Variants in MTUS2 observed in about 807,000 individuals in gnomAD.
The protein encoded by MTUS2 is microtubule associated scaffold protein 2.
MTUS2 carries 40 observed loss-of-function variants against 114.1 expected under a neutral mutation model. That is an observed-to-expected ratio of 0.35 (90% CI 0.27 to 0.46). MTUS2 has a LOEUF of 0.46. Ranked by LOEUF, MTUS2 falls within the 20% of genes least tolerant of loss-of-function variation. MTUS2 has a pLI of 1.00. For synonymous variants in MTUS2, 688 were observed against 672.0 expected, an observed-to-expected ratio of 1.02 and a Z score of -0.37; for missense variants, 1,679 against 1,705.4, an observed-to-expected ratio of 0.98 and a Z score of 0.27.
rs549081450 is a variant in MTUS2 at position 28,874,253 on chromosome 13, G to A, written c.-243+34403G>A. ...CCTGACCTCATGATCTGCCCCCCTCGGCCTCCCAAAGTGCAGGATTACAGG... is the reference window on the plus strand; with the variant it reads ...CCTGACCTCATGATCTGCCCCCCTCAGCCTCCCAAAGTGCAGGATTACAGG... On this transcript the variant is annotated intron_variant, in intron 2 of 15. Transcript: ENST00000612955. Among the ~76,000 whole-genome samples the A allele has an allele frequency of 9.4e-4, 143 of 152,024 alleles. 1 individual carries two copies. The highest frequency in any genetic ancestry group is 3.2e-3 in the African/African-American group (132 of 41,454).
chr13:29,200,001 A>G (rs757608283), intron 5 of MTUS2, among the ~76,000 whole-genome samples: 5 of 151,916 alleles, frequency 3.3e-5, no homozygotes, highest in Non-Finnish European at 5.9e-5. Flanking sequence ...ATTCTCGGAT[A>G]GTAGTTTGTA....
intron 2 of MTUS2, among the ~76,000 whole-genome samples, chr13:29,006,680 A>ATTTG (rs770152112): frequency 1.3e-5 from 2 of 151,974 alleles, no homozygotes; most frequent in Non-Finnish European, 2.9e-5. Context: ...TTGTTTGTTC[A>ATTTG]TTTGTTTGTT....
chr13:29,490,889 AT>A (rs1399879522), intron 11 of MTUS2, among the ~76,000 whole-genome samples: 1 of 152,238 alleles, frequency 6.6e-6, no homozygotes, highest in Non-Finnish European at 1.5e-5. Flanking sequence ...TTACCTAGTT[AT>A]TTTGCCATGA....
At chr13:29,376,467 A>C (rs997276079) in intron 8 of MTUS2, among the ~76,000 whole-genome samples, 1 of 152,240 alleles carries the variant, frequency 6.6e-6, no homozygotes, top group African/African-American at 2.4e-5. Context: ...AAATGTGCAA[A>C]TAACCCAAAG....
At chr13:29,488,725 G>A (rs979704368) in intron 11 of MTUS2, among the ~76,000 whole-genome samples, 5 of 152,126 alleles carry the variant, frequency 3.3e-5, no homozygotes, top group Non-Finnish European at 5.9e-5. Context: ...TGGTTGGATC[G>A]GGGTATCCAG....
intron 2 of MTUS2, among the ~76,000 whole-genome samples, chr13:28,942,920 ATTAT>A (rs1176394832): frequency 6.6e-6 from 1 of 152,126 alleles, no homozygotes; most frequent in Non-Finnish European, 1.5e-5. Context: ...GATTCATTTA[ATTAT>A]TTAATCATTT....
At chr13:29,186,784 A>G (rs1048186777) in intron 5 of MTUS2, among the ~76,000 whole-genome samples, 2 of 152,230 alleles carry the variant, frequency 1.3e-5, no homozygotes, top group Admixed American at 6.5e-5. Flanking sequence ...ATAGACATAT[A>G]TAGAACATTC....
At chr13:29,479,747 C>G (rs1213080551) in intron 9 of MTUS2, among the ~76,000 whole-genome samples, 1 of 152,214 alleles carries the variant, frequency 6.6e-6, no homozygotes, top group Admixed American at 6.5e-5. Flanking sequence ...GAATTCCTGC[C>G]TCATGGGCTC....
chr13:28,977,500 T>C (rs985690374), intron 2 of MTUS2, among the ~76,000 whole-genome samples: 3 of 152,206 alleles, frequency 2.0e-5, no homozygotes, highest in African/African-American at 7.2e-5. Flanking sequence ...CCTCCTAAAC[T>C]TTCTGTAATA....
intron 4 of MTUS2, among the ~76,000 whole-genome samples, chr13:29,078,017 A>T (rs907526120): frequency 2.0e-5 from 3 of 152,160 alleles, no homozygotes; most frequent in Admixed American, 2.0e-4. Flanking sequence ...AAGAAAAATG[A>T]TATTATTTTG....
intron 2 of MTUS2, among the ~76,000 whole-genome samples, chr13:28,878,800 A>G (rs559681163): frequency 5.9e-5 from 9 of 152,186 alleles, no homozygotes; most frequent in South Asian, 2.1e-4. Flanking sequence ...ATACATGTGC[A>G]CGTATCTTTA....
intron 8 of MTUS2, among the ~76,000 whole-genome samples, chr13:29,364,184 T>C (rs1210568401): frequency 6.6e-6 from 1 of 152,094 alleles, no homozygotes; most frequent in Non-Finnish European, 1.5e-5. Context: ...AATGACCTAA[T>C]GGTTTAAGCT....
At chr13:29,479,182 C>T (rs1041621153) in intron 9 of MTUS2, among the ~76,000 whole-genome samples, 4 of 152,202 alleles carry the variant, frequency 2.6e-5, no homozygotes, top group African/African-American at 7.2e-5. Context: ...CTCCCCAGTT[C>T]GTAGCACAGA....
chr13:28,905,436 C>A (rs1372843057), intron 2 of MTUS2, among the ~76,000 whole-genome samples: 1 of 151,548 alleles, frequency 6.6e-6, no homozygotes, highest in East Asian at 1.9e-4. Context: ...CCCATCAATA[C>A]CTCATTTATT....
At chr13:29,432,442 G>A (rs545875155) in intron 8 of MTUS2, among the ~76,000 whole-genome samples, 22 of 152,174 alleles carry the variant, frequency 1.4e-4, no homozygotes, top group Non-Finnish European at 1.9e-4. Context: ...TATAATACGA[G>A]CTTCCTTTTT....
intron 2 of MTUS2, among the ~76,000 whole-genome samples, chr13:28,861,768 C>G (rs1877001514): frequency 6.6e-6 from 1 of 152,086 alleles, no homozygotes; most frequent in South Asian, 2.1e-4. Flanking sequence ...ATCCAGCAGC[C>G]TGAGGAGTGC....
At chr13:28,976,907 C>T (rs1884135319) in intron 2 of MTUS2, among the ~76,000 whole-genome samples, 1 of 152,128 alleles carries the variant, frequency 6.6e-6, no homozygotes, top group Non-Finnish European at 1.5e-5. Context: ...TAGACTAACT[C>T]TGGAAGGATG....
chr13:29,503,178 C>T lies in MTUS2; in HGVS notation c.4082C>T (p.Pro1361Leu), dbSNP rs970857585. Residue 1361 changes from proline (P) to leucine (L), a missense_variant, in exon 16 of 16, where the codon CCG becomes CTG. Around this residue, in one of 3 missense-constraint regions of MTUS2, gnomAD observed 822 missense variants for 899.7 expected, o/e 0.91. Transcript: ENST00000612955. ...YRGSSSGPSS[P>L]ARVSTTPR ...GGCTCCTCCTCGGGGCCCTCCTCTC[C>T]GGCCAGAGTCAGCACAACACCCAGA... 18 of 1,614,010 alleles carry T rather than the reference C, an allele frequency of 1.1e-5. No individual in the cohort carries two copies. The highest frequency in any genetic ancestry group is 5.0e-5 in the Admixed American group (3 of 60,006).
intron 8 of MTUS2, among the ~76,000 whole-genome samples, chr13:29,381,519 G>A (rs1593375193): frequency 6.6e-6 from 1 of 152,144 alleles, no homozygotes; most frequent in Non-Finnish European, 1.5e-5. Context: ...CTGGAGTAAG[G>A]CTAACTGTAC....
Sources: allele counts gnomAD v4.1 joint callset (sites outside exome capture counted in the v4.1 genomes callset), GRCh38; gene constraint gnomAD v4.1.1; regional missense constraint gnomAD v4.1.1; transcripts MANE v1.5; gene names NCBI Gene and HGNC (gene_info 2026-07-23, HGNC 2026-07-21).